The following MYO15A variants were observed in gnomAD, a reference collection of about 807,000 sequenced individuals.
MYO15A encodes unconventional myosin-XV.
MYO15A carries 308 observed loss-of-function variants against 394.6 expected under a neutral mutation model. The ratio of observed to expected loss-of-function variants is 0.78; its 90% confidence interval spans 0.71 to 0.86. MYO15A has a LOEUF of 0.86. Ranked by LOEUF, MYO15A falls within the 40% of genes least tolerant of loss-of-function variation. The probability of loss-of-function intolerance (pLI) is 0.00; values close to 1 mark genes in which losing one functional copy is unlikely to be tolerated. For missense variants in MYO15A, 4,606 were observed against 4,799.1 expected (o/e 0.96, Z 1.19); for synonymous variants, 1,957 against 2,003.8 (o/e 0.98, Z 0.62).
chr17:18,161,877 C>T lies in MYO15A; in HGVS notation c.9517+430C>T, dbSNP rs146524988. 5.5e-4 allele frequency among the ~76,000 whole-genome samples: 83 copies of T among 150,046 alleles called. 1 individual carries two copies. In the East Asian group the frequency reaches 0.014, roughly 26 times the overall value. On this transcript the variant is annotated intron_variant, in intron 57 of 65. Coordinates refer to ENST00000647165, the MANE Select transcript of MYO15A (RefSeq NM_016239.4). The stretch of plus-strand genomic sequence containing the variant: ...GAGGTGGGCCCAAGCTGGTATCATC[C>T]CCCTTAGAATATGGAGAAAGGGGGG...
At chr17:18,126,662 G>C in intron 5 of MYO15A, 129 bp from the exon 6 acceptor site, 1 of 1,201,202 alleles carries the variant, frequency 8.3e-7, no homozygotes, top group South Asian at 1.2e-5. Context: ...GGGGGTGGGA[G>C]CATTCCCCCA....
At chr17:18,138,775 C>T in intron 17 of MYO15A, 36 bp from the exon 18 acceptor site, 1 of 1,611,496 alleles carries the variant, frequency 6.2e-7, no homozygotes, top group South Asian at 1.1e-5. Flanking sequence ...GTGTCCAGGC[C>T]TCCTGCCCAC....
chr17:18,130,817 AGTGTGTGTGTGTGTGTGTGTGT>A lies in MYO15A; in HGVS notation c.4038+40_4038+61del, dbSNP rs59214589. 670 of 1,192,946 alleles carry A rather than the reference AGTGTGTGTGTGTGTGTGTGTGT, an allele frequency of 5.6e-4. 3 individuals carry two copies. The African/African-American group carries it at 0.01, about 18-fold the overall frequency. The allele number at this position is 1,192,946 out of a possible 1,614,324, so 73.9% of individuals were successfully genotyped here. On this transcript the variant is annotated splice_region_variant and intron_variant, in intron 8 of 65. Transcript: ENST00000647165. Reference sequence around the variant, plus strand: ...GACGCTCTTGAAGATAAAGGTACTCAGTGTGTGTGTGTGTGTGTGTGTGTGTGTGTGTGTGTGTGTGTGTGTG... The same window carrying A: ...GACGCTCTTGAAGATAAAGGTACTCAGTGTGTGTGTGTGTGTGTGTGTGTG...
chr17:18,126,424 G>A lies in MYO15A; in HGVS notation c.3834G>A (p.Gln1278=). The change falls in exon 5 of 66, where the codon CAG becomes CAA. Residue 1278 remains glutamine (Q), a synonymous_variant. Coordinates refer to ENST00000647165, the MANE Select transcript of MYO15A (RefSeq NM_016239.4). ...TCTATGGGCCGGAGCAGGTGCAGCA[G>A]TACAACGGACGGGCCCTGGGAGAGA... is the stretch of plus-strand genomic sequence containing the variant. The part of the protein sequence containing the change: ...FGIYGPEQVQ[Q]YNGRALGENP... The A allele has an allele frequency of 6.2e-7, 1 of 1,613,988 alleles. No homozygotes were observed. Among genetic ancestry groups the A allele is most frequent in the South Asian group, 1.1e-5 (1 of 91,078 alleles).
rs1054722969 is a variant in MYO15A at position 18,150,554 on chromosome 17, C to T, written c.7327+11C>T. On this transcript the variant is annotated intron_variant, in intron 36 of 65. Coordinates refer to ENST00000647165, the MANE Select transcript of MYO15A (RefSeq NM_016239.4). This position sits in a 1 kb window ranked among gnomAD's most constrained non-coding sequence, Gnocchi z 4.4. Reference sequence around the variant, plus strand: ...CAGAGCCAAAGCCAAGTCAGTGCCTCCCCAGGGTGGTTCCAGGGTTGGGCA... The same window carrying T: ...CAGAGCCAAAGCCAAGTCAGTGCCTTCCCAGGGTGGTTCCAGGGTTGGGCA... 21 of 1,613,860 alleles carry T rather than the reference C, an allele frequency of 1.3e-5. No homozygotes were observed. Among genetic ancestry groups the T allele is most frequent in the Non-Finnish European group, 1.7e-5 (20 of 1,179,870 alleles).
At chr17:18,169,359 T>A (rs964278515) in intron 62 of MYO15A, 1 of 151,082 alleles carries the variant, frequency 6.6e-6, no homozygotes, top group African/African-American at 2.4e-5. Flanking sequence ...GGCAGGAGAA[T>A]CACTTGAAAC....
At chr17:18,161,626 T>C (rs1279053255) in intron 57 of MYO15A, among the ~76,000 whole-genome samples, 179 bp downstream of exon 57, 1 of 152,086 alleles carries the variant, frequency 6.6e-6, no homozygotes, top group Non-Finnish European at 1.5e-5. Context: ...GGCGTGGTGG[T>C]TTGTCTGATC....
In MYO15A at chr17:18,142,145, G is replaced by A; in HGVS notation, c.5716G>A (p.Ala1906Thr). The A allele has an allele frequency of 6.2e-7, 1 of 1,613,922 alleles. No homozygotes were observed. Among genetic ancestry groups the A allele is most frequent in the Non-Finnish European group, 8.5e-7 (1 of 1,180,040 alleles). ...GCGAGAGCATGTCCTGAATCTGGCAGCCCTCACTCTGCAGCGCTGCCTCCG... is the reference window on the plus strand; with the variant it reads ...GCGAGAGCATGTCCTGAATCTGGCAACCCTCACTCTGCAGCGCTGCCTCCG... ...SMREHVLNLAALTLQRCLRGF... is the reference protein window; with the variant it reads ...SMREHVLNLATLTLQRCLRGF... The change falls in exon 24 of 66, where the codon GCC becomes ACC. Residue 1906 changes from alanine to threonine, a missense_variant. Transcript: ENST00000647165.
intron 1 of MYO15A, among the ~76,000 whole-genome samples, chr17:18,115,299 C>T (rs1439417347): frequency 6.6e-6 from 1 of 152,178 alleles, no homozygotes; most frequent in Non-Finnish European, 1.5e-5. Flanking sequence ...AGCCGCTTCT[C>T]CCATAGCAGT....
At chr17:18,145,308 TAGGGCTGCATGGGG>T (rs894709311) in intron 29 of MYO15A, among the ~76,000 whole-genome samples, 74 of 152,050 alleles carry the variant, frequency 4.9e-4, no homozygotes, top group Non-Finnish European at 1.9e-4. Context: ...GGGAGGGGGC[TAGGGCTGCATGGGG>T]AGCTCTAGAA....
In MYO15A at chr17:18,158,722, G is replaced by A. The variant is rs934475409; in HGVS notation, c.9083+84G>A. On this transcript the variant is annotated intron_variant, in intron 52 of 65. Transcript: ENST00000647165. The stretch of plus-strand genomic sequence containing the variant: ...ATCCAAACTGCAGGCTGTCAGTCTC[G>A]GAGGCCCCACTTCTGGTGGGAGAGA... 1.8e-5 allele frequency: 27 copies of A among 1,521,850 alleles called. No individual in the cohort carries two copies. In the African/African-American group the frequency reaches 3.0e-4, roughly 17 times the overall value. 94.3% of individuals were successfully genotyped at this position (1,521,850 alleles called of 1,614,324 possible). A position where few individuals can be genotyped will look rare whatever the true frequency, so the allele number is the denominator to read the frequency against.
chr17:18,164,828 T>G, intron 60 of MYO15A: 1 of 67,576 alleles, frequency 1.5e-5, no homozygotes, highest in East Asian at 2.7e-4. Flanking sequence ...TGAGACTCTA[T>G]CTGCAAAAAA....
At chr17:18,175,715 G>A (rs2047005947) in intron 65 of MYO15A, among the ~76,000 whole-genome samples, 1 of 152,094 alleles carries the variant, frequency 6.6e-6, no homozygotes, top group South Asian at 2.1e-4. Flanking sequence ...CTCCTGCCCA[G>A]ACTACCTGAG....
At chr17:18,122,969 C>T (rs1007511730) in intron 2 of MYO15A, 9 of 155,276 alleles carry the variant, frequency 5.8e-5, no homozygotes, top group African/African-American at 1.4e-4. Context: ...CCAGACTCCT[C>T]ATTGCACAGA....
chr17:18,116,272 G>C (rs1272093901), intron 1 of MYO15A, among the ~76,000 whole-genome samples: 1 of 152,258 alleles, frequency 6.6e-6, no homozygotes, highest in Non-Finnish European at 1.5e-5. Context: ...CTCCAGGCAG[G>C]AGCAGGTTGT....
chr17:18,165,362 G>T (rs563823319), intron 60 of MYO15A, among the ~76,000 whole-genome samples: 33 of 152,322 alleles, frequency 2.2e-4, no homozygotes, highest in African/African-American at 7.5e-4. Flanking sequence ...GAAGCTCTAG[G>T]GAATAATTTG....
chr17:18,111,807 G>A (rs1234669155), intron 1 of MYO15A, among the ~76,000 whole-genome samples: 2 of 152,188 alleles, frequency 1.3e-5, no homozygotes, highest in African/African-American at 4.8e-5. Flanking sequence ...CCAGCTCTCC[G>A]CTATCTCATG....
intron 1 of MYO15A, 64 bp from the exon 2 acceptor site, chr17:18,118,518 G>A (rs554365231): frequency 1.6e-5 from 8 of 504,874 alleles, no homozygotes; most frequent in Non-Finnish European, 2.9e-5. Flanking sequence ...CCCAGCACAG[G>A]CCTCATAGGC....
intron 1 of MYO15A, among the ~76,000 whole-genome samples, chr17:18,114,100 T>C (rs1205695069): frequency 6.6e-6 from 1 of 152,082 alleles, no homozygotes; most frequent in Non-Finnish European, 1.5e-5. Context: ...CCTTCCTTCC[T>C]TCCCTCCCTC....
Sources: allele counts gnomAD v4.1 joint callset (sites outside exome capture counted in the v4.1 genomes callset), GRCh38; gene constraint gnomAD v4.1.1; non-coding constraint Gnocchi (gnomAD v3.1); transcripts MANE v1.5; gene names NCBI Gene and HGNC (gene_info 2026-07-23, HGNC 2026-07-21).